Variants in PAX7 observed in about 807,000 individuals in gnomAD.
The protein encoded by PAX7 is paired box 7, also known as paired box protein Pax-7.
A neutral mutation model predicts 50.7 loss-of-function variants in PAX7; 18 were observed. The ratio of observed to expected loss-of-function variants is 0.36; its 90% CI spans 0.25 to 0.53. The LOEUF (loss-of-function observed/expected upper bound fraction) is 0.53, where lower values mean the gene tolerates loss of function less well. PAX7 is among the 20% of genes least tolerant of loss of function. The probability of loss-of-function intolerance (pLI) is 0.93; values close to 1 mark genes in which losing one functional copy is unlikely to be tolerated. For missense variants in PAX7, 644 were observed against 702.9 expected (o/e 0.92, Z 0.95); for synonymous variants, 310 against 290.4 (o/e 1.07, Z -0.69).
chr1:18,695,944 G>A lies in PAX7; in HGVS notation c.786+3991G>A, dbSNP rs141506181. 6.8e-3 allele frequency among the ~76,000 whole-genome samples: 1,039 copies of A among 152,276 alleles called. 2 individuals are homozygous for A. The highest frequency in any genetic ancestry group is 7.4e-3 in the Admixed American group (113 of 15,290). Reference sequence around the variant, plus strand: ...CCTTGGAACCCTGCTCTGTGCTTGGGGTAGGGGTGGGATGTTCTGAACGGA... The same window carrying A: ...CCTTGGAACCCTGCTCTGTGCTTGGAGTAGGGGTGGGATGTTCTGAACGGA... On this transcript the variant is annotated intron_variant, in intron 5 of 8. Coordinates refer to ENST00000420770, the MANE Select transcript of PAX7 (RefSeq NM_001135254.2).
chr1:18,695,477 G>A (rs1204345358), intron 5 of PAX7, among the ~76,000 whole-genome samples: 1 of 152,222 alleles, frequency 6.6e-6, no homozygotes, highest in Non-Finnish European at 1.5e-5. Context: ...GATGTCAGGT[G>A]GGGATCTGGT....
Position 18,636,403 on chromosome 1 carries a change from G to T in PAX7, c.586+32G>T, listed in dbSNP as rs774947256. The T allele has an allele frequency of 6.2e-7, 1 of 1,605,692 alleles. No individual in the cohort carries two copies. The highest frequency in any genetic ancestry group is 2.2e-5 in the East Asian group (1 of 44,740). On this transcript the variant is annotated intron_variant, in intron 4 of 8. Transcript: ENST00000420770. This position sits in a 1 kb window ranked among gnomAD's most constrained non-coding sequence, Gnocchi z 5.1. Reference sequence around the variant, plus strand: ...AACTTCCCTGGGCTGCGAGGCCCCAGCCCGGGTTTTCCCACGCTCCGGTGT... The same window carrying T: ...AACTTCCCTGGGCTGCGAGGCCCCATCCCGGGTTTTCCCACGCTCCGGTGT...
chr1:18,734,536 TC>T (rs1303344351), intron 7 of PAX7, among the ~76,000 whole-genome samples: 1 of 152,020 alleles, frequency 6.6e-6, no homozygotes, highest in African/African-American at 2.4e-5. Context: ...CCACTCCCAG[TC>T]CCACCCCAGG....
intron 8 of PAX7, chr1:18,736,145 A>G: frequency 1.6e-6 from 1 of 633,106 alleles, no homozygotes; most frequent in Non-Finnish European, 2.8e-6. Flanking sequence ...ATCACTTAAC[A>G]TTTCTAGTGG....
intron 8 of PAX7, among the ~76,000 whole-genome samples, chr1:18,736,626 ATGTG>A (rs1187724133): frequency 6.6e-6 from 1 of 152,214 alleles, no homozygotes; most frequent in Admixed American, 6.5e-5. Flanking sequence ...CTTTGACATC[ATGTG>A]TGTGTTTTAC....
intron 1 of PAX7, among the ~76,000 whole-genome samples, chr1:18,633,294 G>A (rs1376295454): frequency 6.6e-6 from 1 of 152,148 alleles, no homozygotes; most frequent in African/African-American, 2.4e-5. Flanking sequence ...CTCCGCAGCC[G>A]CTGAGTCCCC....
intron 5 of PAX7, among the ~76,000 whole-genome samples, chr1:18,693,528 A>G (rs2089106987): frequency 6.6e-6 from 1 of 152,190 alleles, no homozygotes; most frequent in African/African-American, 2.4e-5. Flanking sequence ...AGCAACTGGG[A>G]CAATCCTAGA....
intron 8 of PAX7, among the ~76,000 whole-genome samples, chr1:18,743,736 T>C (rs1238283346): frequency 6.6e-6 from 1 of 152,224 alleles, no homozygotes; most frequent in East Asian, 1.9e-4. Context: ...ACAGAACACT[T>C]GTACATGCAG....
At chr1:18,682,835 GT>G (rs1435934492) in intron 4 of PAX7, among the ~76,000 whole-genome samples, 1 of 152,202 alleles carries the variant, frequency 6.6e-6, no homozygotes, top group Non-Finnish European at 1.5e-5. Context: ...GACCTAGGGA[GT>G]TGATGGAGAA....
chr1:18,716,956 A>C (rs1277383260), intron 7 of PAX7, among the ~76,000 whole-genome samples: 5 of 132,944 alleles, frequency 3.8e-5, no homozygotes, highest in Admixed American at 1.6e-4. Context: ...GGGCGGACCC[A>C]AGTCCAGGGC....
chr1:18,725,993 T>C (rs1006654261), intron 7 of PAX7, among the ~76,000 whole-genome samples: 10 of 148,532 alleles, frequency 6.7e-5, no homozygotes, highest in Non-Finnish European at 1.2e-4. Context: ...TGTGTGTGTG[T>C]GCGCGCGCGC....
At chr1:18,670,225 G>A (rs914394485) in intron 4 of PAX7, among the ~76,000 whole-genome samples, 5 of 152,116 alleles carry the variant, frequency 3.3e-5, no homozygotes, top group African/African-American at 7.2e-5. Context: ...TAGAGCCATG[G>A]CAAGGCTAAA....
intron 7 of PAX7, among the ~76,000 whole-genome samples, chr1:18,716,253 G>A (rs555200753): frequency 6.6e-6 from 1 of 152,332 alleles, no homozygotes; most frequent in Non-Finnish European, 1.5e-5. Context: ...TTGGAAGGAT[G>A]GGCCTGGGTG....
intron 8 of PAX7, among the ~76,000 whole-genome samples, chr1:18,736,464 CAAAA>C (rs35410898): frequency 1.7e-5 from 2 of 117,662 alleles, no homozygotes; most frequent in African/African-American, 3.6e-5. Flanking sequence ...GACTCTGTCT[CAAAA>C]AAAAAAAAAA....
At position 18,732,903 on chromosome 1, in the gene PAX7, C is replaced by T. The variant is rs773464390; in HGVS notation, c.1156-2729C>T. Reference sequence around the variant, plus strand: ...AGGGAAGGATCAAACTGGAGTCTCACGGGAGCTGACAAACCCTCCCAGTAG... The same window carrying T: ...AGGGAAGGATCAAACTGGAGTCTCATGGGAGCTGACAAACCCTCCCAGTAG... On this transcript the variant is annotated intron_variant, in intron 7 of 8. Transcript: ENST00000420770. Among the ~76,000 whole-genome samples the T allele has an allele frequency of 2.6e-5, 4 of 152,142 alleles. 1 individual carries two copies. The highest frequency in any genetic ancestry group is 7.2e-5 in the African/African-American group (3 of 41,434).
At chr1:18,678,081 GAAAAAA>G (rs11349871) in intron 4 of PAX7, among the ~76,000 whole-genome samples, 1 of 126,380 alleles carries the variant, frequency 7.9e-6, no homozygotes, top group Non-Finnish European at 1.7e-5. Flanking sequence ...GACTCCGTCT[GAAAAAA>G]AAAAAAAAAG....
chr1:18,671,415 A>G (rs976968356), intron 4 of PAX7, among the ~76,000 whole-genome samples: 1 of 152,220 alleles, frequency 6.6e-6, no homozygotes, highest in African/African-American at 2.4e-5. Context: ...GAACTGTACA[A>G]TGCACTCTTA....
intron 7 of PAX7, among the ~76,000 whole-genome samples, chr1:18,725,311 C>CG (rs1231317976): frequency 2.8e-5 from 2 of 72,700 alleles, no homozygotes. Context: ...CGCCCCCCCC[C>CG]CGCCCCACCA....
chr1:18,635,012 C>T, intron 2 of PAX7, 99 bp from the exon 3 acceptor site: 1 of 1,444,686 alleles, frequency 6.9e-7, no homozygotes, highest in East Asian at 2.4e-5. Flanking sequence ...TAACCAGAAC[C>T]ACCAGCCTGG....
Sources: gnomAD v4.1 joint callset for allele counts (sites outside exome capture counted in the v4.1 genomes callset) on GRCh38, gnomAD v4.1.1 for gene constraint, Gnocchi (gnomAD v3.1) non-coding constraint, MANE v1.5 for transcripts, NCBI Gene and HGNC (gene_info 2026-07-23, HGNC 2026-07-21) for gene names.